The following BANK1 variants were observed in gnomAD, a reference collection of about 807,000 sequenced individuals.
The protein encoded by BANK1 is B cell scaffold protein with ankyrin repeats 1, also known as B-cell scaffold protein with ankyrin repeats.
In BANK1, 95 loss-of-function variants were observed where a neutral mutation model predicts 94.5. That is an observed-to-expected ratio of 1.00 (90% confidence interval 0.85 to 1.19). The LOEUF is 1.19. Among genes scored for constraint, BANK1 ranks in the 50% most tolerant of loss-of-function variants. The pLI is 0.00. For synonymous variants in BANK1, 334 were observed against 308.4 expected (o/e 1.08, Z -0.87); for missense variants, 987 against 932.2 (o/e 1.06, Z -0.77).
intron 5 of BANK1, among the ~76,000 whole-genome samples, chr4:101,887,320 TATTTA>T (rs1728894013): frequency 6.6e-6 from 1 of 152,268 alleles, no homozygotes; most frequent in South Asian, 2.1e-4. Flanking sequence ...AGTTATGCGT[TATTTA>T]ATTTAAGAAT....
chr4:102,031,753 C>T (rs1403984075), intron 10 of BANK1, among the ~76,000 whole-genome samples: 1 of 152,050 alleles, frequency 6.6e-6, no homozygotes, highest in African/African-American at 2.4e-5. Flanking sequence ...TACCACAGAT[C>T]CACCTAAGAG....
At chr4:101,891,642 T>G (rs1721871152) in intron 5 of BANK1, among the ~76,000 whole-genome samples, 1 of 152,112 alleles carries the variant, frequency 6.6e-6, no homozygotes, top group Non-Finnish European at 1.5e-5. Context: ...TTTGTTATAG[T>G]CTTAAAAGTG....
chr4:101,871,707 A>G (rs1309768182), intron 5 of BANK1, among the ~76,000 whole-genome samples: 1 of 152,154 alleles, frequency 6.6e-6, no homozygotes, highest in Non-Finnish European at 1.5e-5. Flanking sequence ...AGACTGTTTC[A>G]TTTTCTTGTG....
chr4:101,914,056 A>T (rs189338907), intron 6 of BANK1, among the ~76,000 whole-genome samples: 14 of 152,346 alleles, frequency 9.2e-5, no homozygotes, highest in Admixed American at 9.2e-4. Flanking sequence ...CAAAGAAATT[A>T]TCTGAGAACA....
rs1722879967 is a variant in BANK1 at position 101,917,967 on chromosome 4, AATCCTACTACTTCTTATGCTTACAG to A, written c.1010-23_1011del. ...GATTGCCAATAAAATGAAAACATTA[AATCCTACTACTTCTTATGCTTACAG>A]ATACTCATTTCAAAGAACTTCCAAC... On this transcript the variant is annotated splice_acceptor_variant and splice_polypyrimidine_tract_variant and intron_variant, in intron 6 of 16. Transcript: ENST00000322953. LOFTEE classifies it high-confidence loss of function. The A allele has an allele frequency of 6.6e-7, 1 of 1,507,294 alleles. No individual in the cohort carries two copies. 93.4% of individuals were successfully genotyped at this position (1,507,294 alleles called of 1,614,324 possible).
chr4:101,933,275 G>A (rs530565511), intron 7 of BANK1, among the ~76,000 whole-genome samples: 16 of 145,470 alleles, frequency 1.1e-4, no homozygotes, highest in African/African-American at 3.3e-4. Flanking sequence ...GACAGGTAGC[G>A]TATTCAATGG....
At chr4:101,795,190 A>T (rs1725114409) in intron 1 of BANK1, among the ~76,000 whole-genome samples, 1 of 152,114 alleles carries the variant, frequency 6.6e-6, no homozygotes, top group South Asian at 2.1e-4. Context: ...GACCACTTGA[A>T]ATTTTAGCCT....
chr4:102,015,081 G>T (rs1053674051), intron 7 of BANK1, among the ~76,000 whole-genome samples: 1 of 151,910 alleles, frequency 6.6e-6, no homozygotes, highest in African/African-American at 2.4e-5. Flanking sequence ...ATTTATAAAT[G>T]GTAGACATAA....
chr4:101,855,384 G>A (rs1292667127), intron 3 of BANK1, among the ~76,000 whole-genome samples, 195 bp downstream of exon 3: 1 of 152,038 alleles, frequency 6.6e-6, no homozygotes, highest in East Asian at 1.9e-4. Context: ...CAGCCCACCT[G>A]TTATTTTTTT....
chr4:101,842,638 T>C (rs1373416973), intron 2 of BANK1, among the ~76,000 whole-genome samples: 1 of 152,242 alleles, frequency 6.6e-6, no homozygotes, highest in African/African-American at 2.4e-5. Flanking sequence ...TCATTTCTAA[T>C]TTCTTAGATA....
chr4:102,033,777 A>T (rs1727407342), intron 10 of BANK1, among the ~76,000 whole-genome samples: 1 of 152,208 alleles, frequency 6.6e-6, no homozygotes, highest in African/African-American at 2.4e-5. Flanking sequence ...AATTAAGTAT[A>T]TAAAATAGGT....
intron 13 of BANK1, among the ~76,000 whole-genome samples, chr4:102,070,670 C>T (rs913585756): frequency 7.2e-5 from 11 of 152,152 alleles, no homozygotes; most frequent in Admixed American, 7.2e-4. Flanking sequence ...TGAACCATCA[C>T]CTAATGGTCG....
intron 2 of BANK1, among the ~76,000 whole-genome samples, chr4:101,839,638 A>T (rs1159413407): frequency 6.6e-6 from 1 of 152,144 alleles, no homozygotes; most frequent in Non-Finnish European, 1.5e-5. Context: ...ATGCTACCCT[A>T]TCCCCTAATA....
intron 4 of BANK1, among the ~76,000 whole-genome samples, chr4:101,869,743 A>T (rs569313128): frequency 6.1e-4 from 92 of 152,060 alleles, no homozygotes; most frequent in African/African-American, 2.0e-3. Context: ...AAGCACTTAA[A>T]ATTTGTTCCA....
chr4:102,000,097 G>C (rs779116237), intron 7 of BANK1, among the ~76,000 whole-genome samples: 5 of 152,050 alleles, frequency 3.3e-5, no homozygotes, highest in Non-Finnish European at 7.4e-5. Flanking sequence ...AGCAAGACAG[G>C]CCGATCATCT....
At chr4:102,017,840 C>A (rs1560689348) in intron 7 of BANK1, among the ~76,000 whole-genome samples, 3 of 152,128 alleles carry the variant, frequency 2.0e-5, no homozygotes, top group Non-Finnish European at 4.4e-5. Flanking sequence ...GAAATTTTAA[C>A]CCATACAAAG....
At chr4:101,896,893 T>A (rs1184944818) in intron 6 of BANK1, among the ~76,000 whole-genome samples, 1 of 151,952 alleles carries the variant, frequency 6.6e-6, no homozygotes, top group Non-Finnish European at 1.5e-5. Flanking sequence ...GATAGATAAT[T>A]GATTACATAA....
chr4:101,906,219 A>T (rs1352649526), intron 6 of BANK1, among the ~76,000 whole-genome samples: 1 of 152,228 alleles, frequency 6.6e-6, no homozygotes, highest in Non-Finnish European at 1.5e-5. Context: ...GGAAACAGCA[A>T]CATTCTTTAA....
At chr4:101,848,193 A>T (rs2148870945) in intron 2 of BANK1, among the ~76,000 whole-genome samples, 1 of 151,824 alleles carries the variant, frequency 6.6e-6, no homozygotes, top group Admixed American at 6.5e-5. Flanking sequence ...CAGTTGGGGC[A>T]CTCATAGTTT....
Sources: gnomAD v4.1 joint callset for allele counts (sites outside exome capture counted in the v4.1 genomes callset) on GRCh38, gnomAD v4.1.1 for gene constraint, MANE v1.5 for transcripts, NCBI Gene and HGNC (gene_info 2026-07-23, HGNC 2026-07-21) for gene names.